The following PPP1R37 variants were observed in gnomAD, a reference collection of about 807,000 sequenced individuals.
The protein encoded by PPP1R37 is protein phosphatase 1 regulatory subunit 37.
A neutral mutation model predicts 61.0 loss-of-function variants in PPP1R37; 21 were observed. The observed-to-expected ratio is 0.34, with a 90% confidence interval of 0.24 to 0.50. The LOEUF (loss-of-function observed/expected upper bound fraction) is 0.50. Among genes scored for constraint, PPP1R37 ranks in the 20% least tolerant of loss-of-function variants. The probability of loss-of-function intolerance (pLI) is 0.98; values close to 1 mark genes in which losing one functional copy is unlikely to be tolerated. For synonymous variants in PPP1R37, 443 were observed against 433.5 expected (o/e 1.02, Z -0.27); for missense variants, 910 against 952.7 (o/e 0.96, Z 0.59).
At chr19:45,111,343 C>T (rs34545713) in intron 1 of PPP1R37, among the ~76,000 whole-genome samples, 14,879 of 151,762 alleles carry the variant, frequency 0.098, 830 homozygotes, top group South Asian at 0.13. Flanking sequence ...GGTGCAATCT[C>T]GGCTCACCAC....
intron 1 of PPP1R37, among the ~76,000 whole-genome samples, chr19:45,113,994 G>A (rs991338756): frequency 1.3e-5 from 2 of 152,194 alleles, no homozygotes; most frequent in African/African-American, 4.8e-5. Context: ...TCTCCCGGGG[G>A]CTGCTGAGGC....
At chr19:45,122,009 G>C (rs910768077) in intron 1 of PPP1R37, among the ~76,000 whole-genome samples, 1 of 152,142 alleles carries the variant, frequency 6.6e-6, no homozygotes, top group African/African-American at 2.4e-5. Flanking sequence ...CAGAGGTAGC[G>C]AGGCCTTGGG....
intron 1 of PPP1R37, chr19:45,128,610 T>G: frequency 7.9e-7 from 1 of 1,265,460 alleles, no homozygotes; most frequent in Non-Finnish European, 1.1e-6. Context: ...TGCAGGGGCC[T>G]CGGCCTCCTT....
At position 45,145,673 on chromosome 19, in the gene PPP1R37, C is replaced by T. The variant is rs1376216553; in HGVS notation, c.1617C>T (p.Gly539=). 6.5e-7 allele frequency: 1 copy of T among 1,535,124 alleles called. No homozygotes were observed. The highest frequency in any genetic ancestry group is 8.7e-7 in the Non-Finnish European group (1 of 1,146,518). The change falls in exon 11 of 13, where the codon GGC becomes GGT. Residue 539 remains glycine (G), a synonymous_variant. Coordinates refer to ENST00000221462, the MANE Select transcript of PPP1R37 (RefSeq NM_019121.2). ...PALVPPTDSL[G]PGDRSPPGSP... ...TGGTGCCCCCCACGGACTCCCTGGG[C>T]CCTGGGGACAGGAGTCCCCCAGGCA...
intron 8 of PPP1R37, chr19:45,144,501 GGC>G (rs1429087816): frequency 2.9e-5 from 8 of 279,144 alleles, no homozygotes; most frequent in African/African-American, 1.3e-4. Flanking sequence ...AGACTCTCAG[GGC>G]GAGCACTCGT....
chr19:45,123,615 G>A (rs775599163), intron 1 of PPP1R37, among the ~76,000 whole-genome samples: 5 of 152,180 alleles, frequency 3.3e-5, no homozygotes, highest in African/African-American at 4.8e-5. Context: ...CCTCTGTAGC[G>A]TGGTAGAGGC....
chr19:45,134,630 C>T (rs1968516749), intron 1 of PPP1R37, among the ~76,000 whole-genome samples: 1 of 151,218 alleles, frequency 6.6e-6, no homozygotes, highest in Admixed American at 6.6e-5. Context: ...ACGATCTCGG[C>T]TCACTGCATC....
At chr19:45,126,652 C>G (rs1968408749) in intron 1 of PPP1R37, among the ~76,000 whole-genome samples, 1 of 152,194 alleles carries the variant, frequency 6.6e-6, no homozygotes, top group South Asian at 2.1e-4. Flanking sequence ...GTAAATAATA[C>G]TTGCCTCCAT....
At chr19:45,093,795 A>G (rs1388997962) in intron 1 of PPP1R37, among the ~76,000 whole-genome samples, 2 of 152,078 alleles carry the variant, frequency 1.3e-5, no homozygotes, top group African/African-American at 4.8e-5. Flanking sequence ...CAATTAAAGA[A>G]AGTTTGGTGT....
rs563619574 is a variant in PPP1R37, at chr19:45,093,466, A to G, written c.141A>G (p.Thr47=). ...GRLKAAAKRV[T]FPSDEDIVSG... is the part of the protein sequence containing the mutation. ...TCAAGGCTGCAGCCAAGCGCGTCAC[A>G]TTCCCGTCCGACGAGGATATCGTGT... The change falls in exon 1 of 13, where the codon ACA becomes ACG. Residue 47 remains threonine, a synonymous_variant. Coordinates refer to ENST00000221462, the MANE Select transcript of PPP1R37 (RefSeq NM_019121.2). The G allele has an allele frequency of 2.1e-5, 33 of 1,535,546 alleles. No individual in the cohort carries two copies. In the Admixed American group the frequency reaches 3.3e-4, roughly 16 times the overall value.
At chr19:45,143,237 CTG>C (rs1968637338) in intron 7 of PPP1R37, 2 of 354,458 alleles carry the variant, frequency 5.6e-6, no homozygotes, top group African/African-American at 4.2e-5. Flanking sequence ...ACAGTGGTGA[CTG>C]TGGGTGGGAG....
chr19:45,100,128 T>G (rs1218706930), intron 1 of PPP1R37: 1 of 152,240 alleles, frequency 6.6e-6, no homozygotes, highest in Non-Finnish European at 1.5e-5. Context: ...AAACCTGTTT[T>G]TACAAAAGCT....
In PPP1R37 at chr19:45,145,225, C is replaced by A. The variant is rs751636367; in HGVS notation, c.1261C>A (p.Arg421Ser). The A allele has an allele frequency of 2.7e-5, 41 of 1,534,658 alleles. No homozygotes were observed. Among genetic ancestry groups the A allele is most frequent in the Non-Finnish European group, 3.5e-5 (40 of 1,146,282 alleles). ...CCTCAAGGTGAACCACTCACTGCTG[C>A]GCCTGGACCTCGACCGTGAACCCAA... ...LALKVNHSLL[R>S]LDLDREPKKE... is the part of the protein sequence containing the mutation. The change falls in exon 10 of 13, where the codon CGC becomes AGC. Residue 421 changes from arginine to serine, a missense_variant. Physicochemically the swap from Arg to Ser is moderately radical, Grantham distance 110 (BLOSUM62 -1). Around this residue, in one of 3 missense-constraint regions of PPP1R37, gnomAD observed 549 missense variants for 505.1 expected, o/e 1.09. Transcript: ENST00000221462.
chr19:45,146,115 C>T (rs1204222352), intron 11 of PPP1R37, 66 bp downstream of exon 11: 10 of 1,424,814 alleles, frequency 7.0e-6, no homozygotes, highest in Admixed American at 2.6e-5. Context: ...AGGCAAGCCC[C>T]TGCCTGTTGT....
chr19:45,107,508 G>A lies in PPP1R37; in HGVS notation c.202+13981G>A, dbSNP rs774358636. On this transcript the variant is annotated intron_variant, in intron 1 of 12. Transcript: ENST00000221462. ...AGTCCCAGCTACCTGGGAGGCTAAT[G>A]TGGGAGGATTGCTTGAGCCCAGGAG... Among the ~76,000 whole-genome samples the A allele has an allele frequency of 7.3e-4, 111 of 152,202 alleles. 1 individual carries two copies. Among genetic ancestry groups the A allele is most frequent in the Non-Finnish European group, 1.4e-3 (92 of 68,036 alleles).
intron 11 of PPP1R37, 64 bp from the exon 12 acceptor site, chr19:45,146,326 G>A: frequency 6.9e-7 from 1 of 1,450,844 alleles, no homozygotes; most frequent in Non-Finnish European, 9.3e-7. Context: ...CTGGGGCCGG[G>A]CTGGGGACAG....
At chr19:45,122,056 T>C (rs550568629) in intron 1 of PPP1R37, among the ~76,000 whole-genome samples, 23 of 152,206 alleles carry the variant, frequency 1.5e-4, no homozygotes, top group Non-Finnish European at 2.8e-4. Flanking sequence ...GTGGGTACTC[T>C]TCTGCCTCCT....
At position 45,107,268 on chromosome 19, in the gene PPP1R37, G is replaced by A. The variant is rs186487128; in HGVS notation, c.202+13741G>A. Among the ~76,000 whole-genome samples, 12 of 151,864 alleles carry A rather than the reference G, an allele frequency of 7.9e-5. No individual in the cohort carries two copies. The South Asian group carries it at 1.7e-3, about 21-fold the overall frequency. ...AGCACTTTGGGAGGCCGAAGAGTTC[G>A]CGACCAGCCTGGGCAACATAGCAAG... is the stretch of plus-strand genomic sequence containing the variant. On this transcript the variant is annotated intron_variant, in intron 1 of 12. Coordinates refer to ENST00000221462, the MANE Select transcript of PPP1R37 (RefSeq NM_019121.2).
At chr19:45,094,912 A>C (rs1224758153) in intron 1 of PPP1R37, among the ~76,000 whole-genome samples, 1 of 152,076 alleles carries the variant, frequency 6.6e-6, no homozygotes, top group Non-Finnish European at 1.5e-5. Context: ...TAGGGCTGGG[A>C]AAGTGGAAAG....
Sources: gnomAD v4.1 joint callset for allele counts (sites outside exome capture counted in the v4.1 genomes callset) on GRCh38, gnomAD v4.1.1 for gene constraint, gnomAD v4.1.1 regional missense constraint, MANE v1.5 for transcripts, NCBI Gene and HGNC (gene_info 2026-07-23, HGNC 2026-07-21) for gene names.